PPP1R9A: variants seen among roughly 807,000 people sequenced by gnomAD.
The protein encoded by PPP1R9A is protein phosphatase 1 regulatory subunit 9A, also known as neurabin-1.
A neutral mutation model predicts 141.9 loss-of-function variants in PPP1R9A; 59 were observed. The observed-to-expected ratio is 0.42, with a 90% CI of 0.34 to 0.52. The LOEUF (loss-of-function observed/expected upper bound fraction) is 0.52. PPP1R9A is among the 20% of genes least tolerant of loss of function. The pLI is 0.10. For missense variants in PPP1R9A, 1,444 were observed against 1,611.9 expected (o/e 0.90, Z 1.78); for synonymous variants, 500 against 569.7 (o/e 0.88, Z 1.74).
chr7:95,240,756 C>G (rs1797339355), intron 8 of PPP1R9A, among the ~76,000 whole-genome samples: 1 of 152,038 alleles, frequency 6.6e-6, no homozygotes, highest in Admixed American at 6.6e-5. Flanking sequence ...TCTTTACTTT[C>G]TCTTCAGCCT....
At chr7:95,207,951 A>G (rs1402598749) in intron 7 of PPP1R9A, among the ~76,000 whole-genome samples, 3 of 152,198 alleles carry the variant, frequency 2.0e-5, no homozygotes, top group Non-Finnish European at 2.9e-5. Context: ...AGTGTATAAA[A>G]TAGGACAAAG....
At chr7:95,005,743 G>GAA (rs2151564508) in intron 2 of PPP1R9A, among the ~76,000 whole-genome samples, 1 of 152,238 alleles carries the variant, frequency 6.6e-6, no homozygotes, top group East Asian at 1.9e-4. Context: ...CTTTGGTTTA[G>GAA]AAAAATGTTC....
intron 2 of PPP1R9A, among the ~76,000 whole-genome samples, chr7:95,012,281 G>A (rs1042506966): frequency 1.3e-5 from 2 of 152,056 alleles, no homozygotes; most frequent in Admixed American, 6.6e-5. Context: ...AAGCAGGCTC[G>A]ACTTACATGG....
In PPP1R9A at chr7:95,247,529, A is replaced by G; in HGVS notation, c.2166+3A>G. 6.2e-7 allele frequency: 1 copy of G among 1,602,714 alleles called. No homozygotes were observed. The highest frequency in any genetic ancestry group is 8.5e-7 in the Non-Finnish European group (1 of 1,171,494). ...AGATTCAAAAATTGAAGACCAAGGTAAGCACCGAAACATGGTGTTTGAATT... is the reference window on the plus strand; with the variant it reads ...AGATTCAAAAATTGAAGACCAAGGTGAGCACCGAAACATGGTGTTTGAATT... On this transcript the variant is annotated splice_donor_region_variant and intron_variant, in intron 9 of 19. Transcript: ENST00000433360.
At chr7:95,186,526 G>T (rs1196054308) in intron 5 of PPP1R9A, among the ~76,000 whole-genome samples, 1 of 152,054 alleles carries the variant, frequency 6.6e-6, no homozygotes, top group African/African-American at 2.4e-5. Context: ...TTGTCTGATT[G>T]CTATGGCTAG....
intron 4 of PPP1R9A, among the ~76,000 whole-genome samples, chr7:95,153,823 T>C (rs73431020): frequency 6.6e-6 from 1 of 152,330 alleles, no homozygotes; most frequent in African/African-American, 2.4e-5. Context: ...TACTTATTAT[T>C]GATCTGTTCC....
chr7:95,065,965 C>G (rs539983237), intron 2 of PPP1R9A, among the ~76,000 whole-genome samples: 1 of 152,120 alleles, frequency 6.6e-6, no homozygotes, highest in African/African-American at 2.4e-5. Context: ...AGTTAATAAG[C>G]CTAGGCAAGG....
At chr7:95,209,813 G>A (rs1235554927) in intron 7 of PPP1R9A, among the ~76,000 whole-genome samples, 2 of 152,114 alleles carry the variant, frequency 1.3e-5, no homozygotes, top group East Asian at 3.9e-4. Flanking sequence ...TCAATTACTT[G>A]TACAATTATA....
At chr7:95,253,690 A>G (rs1305357039) in intron 12 of PPP1R9A, among the ~76,000 whole-genome samples, 2 of 152,142 alleles carry the variant, frequency 1.3e-5, no homozygotes, top group Non-Finnish European at 2.9e-5. Context: ...TTGAAACTAT[A>G]TGGTTTAGTC....
At chr7:95,070,700 G>C (rs552213437) in intron 2 of PPP1R9A, among the ~76,000 whole-genome samples, 3 of 150,252 alleles carry the variant, frequency 2.0e-5, no homozygotes, top group African/African-American at 7.3e-5. Flanking sequence ...CTAAGTTCAG[G>C]ATCATAAGAA....
intron 2 of PPP1R9A, among the ~76,000 whole-genome samples, chr7:94,987,102 G>T (rs1332801494): frequency 6.6e-6 from 1 of 152,166 alleles, no homozygotes; most frequent in Non-Finnish European, 1.5e-5. Context: ...TAAAATGTTT[G>T]CAAATGGTCA....
At chr7:95,166,250 G>C (rs1050651684) in intron 5 of PPP1R9A, among the ~76,000 whole-genome samples, 3 of 151,684 alleles carry the variant, frequency 2.0e-5, no homozygotes, top group Non-Finnish European at 4.4e-5. Context: ...ATGGAAAGTA[G>C]AATATTGACT....
chr7:95,289,293 C>T (rs1805945793), intron 19 of PPP1R9A, among the ~76,000 whole-genome samples: 1 of 152,214 alleles, frequency 6.6e-6, no homozygotes, highest in African/African-American at 2.4e-5. Flanking sequence ...TGCTTACAGC[C>T]AACTCCATGT....
At chr7:95,140,313 CA>C (rs1826423758) in intron 4 of PPP1R9A, among the ~76,000 whole-genome samples, 1 of 152,160 alleles carries the variant, frequency 6.6e-6, no homozygotes, top group South Asian at 2.1e-4. Context: ...TGGGAGAAGG[CA>C]TATATACAGT....
chr7:95,291,455 C>A lies in PPP1R9A; in HGVS notation c.*1152C>A, dbSNP rs1252234848. 1.3e-5 allele frequency: 2 copies of A among 152,146 alleles called. No homozygotes were observed. The highest frequency in any genetic ancestry group is 6.5e-5 in the Admixed American group (1 of 15,282). 9.4% of individuals were successfully genotyped at this position (152,146 alleles called of 1,614,324 possible). ...TTCCTTTCCATACTTCAAAGATTCTCAATTTTACAGAAAAAGTTTGTTTAA... is the reference window on the plus strand; with the variant it reads ...TTCCTTTCCATACTTCAAAGATTCTAAATTTTACAGAAAAAGTTTGTTTAA... On this transcript the variant is annotated 3_prime_UTR_variant, in exon 20 of 20. Transcript: ENST00000433360.
chr7:94,963,672 T>C (rs1350640916), intron 2 of PPP1R9A, among the ~76,000 whole-genome samples: 1 of 152,216 alleles, frequency 6.6e-6, no homozygotes, highest in East Asian at 1.9e-4. Context: ...ATGTTGAGTT[T>C]CCCTTTTCAG....
chr7:95,235,054 A>G (rs1357665145), intron 8 of PPP1R9A, among the ~76,000 whole-genome samples: 1 of 152,216 alleles, frequency 6.6e-6, no homozygotes, highest in East Asian at 1.9e-4. Context: ...ATCTGAAACC[A>G]TAAAAATTCT....
chr7:94,943,073 T>C (rs1401935537), intron 2 of PPP1R9A, among the ~76,000 whole-genome samples: 2 of 152,162 alleles, frequency 1.3e-5, no homozygotes, highest in Admixed American at 6.5e-5. Flanking sequence ...ATTTAGTTAT[T>C]TTGGGTAGAA....
At chr7:95,269,619 T>C in intron 14 of PPP1R9A, 112 bp downstream of exon 14, 1 of 789,834 alleles carries the variant, frequency 1.3e-6, no homozygotes, top group Admixed American at 3.6e-5. Flanking sequence ...TAATTAATAT[T>C]AATTTCTTTT....
Sources: allele counts gnomAD v4.1 joint callset (sites outside exome capture counted in the v4.1 genomes callset), GRCh38; gene constraint gnomAD v4.1.1; transcripts MANE v1.5; gene names NCBI Gene and HGNC (gene_info 2026-07-23, HGNC 2026-07-21).